Variants in P4HA1 observed in about 807,000 individuals in gnomAD.
P4HA1 encodes the protein prolyl 4-hydroxylase subunit alpha 1.
P4HA1 carries 24 observed loss-of-function variants against 72.8 expected under a neutral mutation model. The ratio of observed to expected loss-of-function variants is 0.33; its 90% confidence interval spans 0.24 to 0.46. The LOEUF is 0.46. P4HA1 is among the 20% of genes least tolerant of loss of function. P4HA1 has a pLI of 1.00. For missense variants in P4HA1, 446 were observed against 640.6 expected, an observed-to-expected ratio of 0.70 and a Z score of 3.28; for synonymous variants, 201 against 218.8, an observed-to-expected ratio of 0.92 and a Z score of 0.72.
chr10:73,074,701 C>A, intron 2 of P4HA1, 107 bp downstream of exon 2: 2 of 670,412 alleles, frequency 3.0e-6, no homozygotes, highest in South Asian at 1.7e-5. Context: ...GGGAATAAAC[C>A]TATACTCTAG....
At position 73,007,454 on chromosome 10, in the gene P4HA1, A is replaced by C. The variant is rs1839817552; in HGVS notation, c.*768T>G. On this transcript the variant is annotated 3_prime_UTR_variant, in exon 15 of 15. Coordinates refer to ENST00000394890, the MANE Select transcript of P4HA1 (RefSeq NM_001017962.3). ...CAGGAATAAGAGGCAAGGTATTAGCACTAAGAAAAACAGCAAAATTCCTGA... is the reference window on the plus strand; with the variant it reads ...CAGGAATAAGAGGCAAGGTATTAGCCCTAAGAAAAACAGCAAAATTCCTGA... 1 of 152,570 alleles carries C rather than the reference A, an allele frequency of 6.6e-6. No homozygotes were observed. The highest frequency in any genetic ancestry group is 1.5e-5 in the Non-Finnish European group (1 of 68,020). 9.5% of individuals were successfully genotyped at this position (152,570 alleles called of 1,614,324 possible).
intron 11 of P4HA1, among the ~76,000 whole-genome samples, chr10:73,016,024 G>A (rs1410330993): frequency 6.6e-6 from 1 of 151,868 alleles, no homozygotes; most frequent in Non-Finnish European, 1.5e-5. Flanking sequence ...AACTACTCAG[G>A]CTCCTCTGAA....
intron 12 of P4HA1, among the ~76,000 whole-genome samples, chr10:73,012,858 C>T (rs934291315): frequency 6.6e-6 from 1 of 152,120 alleles, no homozygotes; most frequent in East Asian, 1.9e-4. Context: ...TGCAGTGGCG[C>T]GATCTCGGCT....
Position 73,053,567 on chromosome 10 carries a change from T to C in P4HA1, c.487A>G (p.Thr163Ala), listed in dbSNP as rs748037693. 1.2e-6 allele frequency: 2 copies of C among 1,613,730 alleles called. No individual in the cohort carries two copies. Among genetic ancestry groups the C allele is most frequent in the Admixed American group, 3.3e-5 (2 of 59,970 alleles). ...CCCAACTCAAAGCAGTCCTCAGCCGTTAGAAAAGATTTGTGTTTCACTCCT... is the reference window on the plus strand; with the variant it reads ...CCCAACTCAAAGCAGTCCTCAGCCGCTAGAAAAGATTTGTGTTTCACTCCT... ...LPGVKHKSFL[T>A]AEDCFELGKV... Residue 163 changes from threonine to alanine, a missense_variant, in exon 6 of 15, where the codon ACG becomes GCG. Physicochemically the swap from Thr to Ala is moderately conservative, Grantham distance 58 (BLOSUM62 0). Transcript: ENST00000394890.
intron 1 of P4HA1, among the ~76,000 whole-genome samples, chr10:73,088,872 CCA>C (rs1841972524): frequency 6.6e-6 from 1 of 152,186 alleles, no homozygotes; most frequent in Admixed American, 6.5e-5. Context: ...TTCTCCAATA[CCA>C]CAGTCTTGGT....
intron 1 of P4HA1, among the ~76,000 whole-genome samples, chr10:73,093,680 A>G (rs2133174681): frequency 6.6e-6 from 1 of 150,440 alleles, no homozygotes; most frequent in South Asian, 2.1e-4. Context: ...CGTCTCTACT[A>G]AAAATACAAA....
intron 9 of P4HA1, among the ~76,000 whole-genome samples, 193 bp from the exon 10 acceptor site, chr10:73,030,563 G>C: frequency 6.6e-6 from 1 of 151,898 alleles, no homozygotes; most frequent in Non-Finnish European, 1.5e-5. Flanking sequence ...ACATTCTACT[G>C]TTAGAGGTTG....
intron 9 of P4HA1, 108 bp downstream of exon 9, chr10:73,044,873 A>AATTTT: frequency 1.3e-6 from 1 of 790,528 alleles, no homozygotes; most frequent in Non-Finnish European, 2.1e-6. Flanking sequence ...CAGGGTGGTG[A>AATTTT]CTTGAGCTGG....
chr10:73,077,902 T>C (rs1331413276), intron 1 of P4HA1, among the ~76,000 whole-genome samples: 1 of 149,800 alleles, frequency 6.7e-6, no homozygotes, highest in Non-Finnish European at 1.5e-5. Flanking sequence ...CGTAGGAGGA[T>C]CACTTGAGAC....
At position 73,051,135 on chromosome 10, in the gene P4HA1, G is replaced by T. The variant is rs562929059; in HGVS notation, c.818C>A (p.Pro273Gln). The T allele has an allele frequency of 6.2e-7, 1 of 1,613,528 alleles. No homozygotes were observed. Among genetic ancestry groups the T allele is most frequent in the South Asian group, 1.1e-5 (1 of 91,058 alleles). ...ATCCACAGCAACCCCTTTTTTCTTT[G>T]GTGTAGTTTTCTGATCAGATTGGTC... ...SDDQSDQKTT[P>Q]KKKGVAVDYL... Residue 273 changes from proline (P) to glutamine (Q), a missense_variant, in exon 7 of 15, where the codon CCA (proline) becomes CAA (glutamine). Transcript: ENST00000394890.
At chr10:73,065,142 G>T (rs536382713) in intron 5 of P4HA1, 74 of 152,152 alleles carry the variant, frequency 4.9e-4, no homozygotes, top group African/African-American at 1.8e-3. Context: ...GTGACCAGAA[G>T]GGTGAACATT....
At chr10:73,010,899 C>T (rs1839898108) in intron 13 of P4HA1, 70 bp downstream of exon 13, 1 of 1,042,040 alleles carries the variant, frequency 9.6e-7, no homozygotes, top group Non-Finnish European at 1.5e-6. Context: ...ATTAATTAGA[C>T]CATGAATACA....
intron 11 of P4HA1, among the ~76,000 whole-genome samples, chr10:73,014,672 G>A (rs1839977155): frequency 6.6e-6 from 1 of 152,028 alleles, no homozygotes; most frequent in Admixed American, 6.6e-5. Context: ...TTATCTGCAA[G>A]CTACATATTA....
chr10:73,047,250 T>G, intron 7 of P4HA1, 149 bp from the exon 8 acceptor site: 1 of 640,688 alleles, frequency 1.6e-6, no homozygotes, highest in Non-Finnish European at 2.6e-6. Flanking sequence ...CTGCAAATAT[T>G]TTGCCTCAAA....
At position 73,007,235 on chromosome 10, in the gene P4HA1, A is replaced by AT. The variant is rs1310276545; in HGVS notation, c.*986_*987insA. 3 of 152,594 alleles carry AT rather than the reference A, an allele frequency of 2.0e-5. No homozygotes were observed. Among genetic ancestry groups the AT allele is most frequent in the Admixed American group, 2.0e-4 (3 of 15,282 alleles). 9.5% of individuals were successfully genotyped at this position (152,594 alleles called of 1,614,324 possible). A position where few individuals can be genotyped will look rare whatever the true frequency, so the allele number is the denominator to read the frequency against. On this transcript the variant is annotated 3_prime_UTR_variant, in exon 15 of 15. Coordinates refer to ENST00000394890, the MANE Select transcript of P4HA1 (RefSeq NM_001017962.3). ...ACAAACATTTTTTTAAAAAAGATTT[A>AT]AGATCATAAATAGGTCATTGTTGTC...
At chr10:73,044,093 C>A in intron 9 of P4HA1, 2 of 505,574 alleles carry the variant, frequency 4.0e-6, no homozygotes, top group Admixed American at 3.2e-5. Context: ...GGTCTCGAAT[C>A]CACAAAAACA....
At chr10:73,068,671 G>GT (rs1164841298) in intron 5 of P4HA1, among the ~76,000 whole-genome samples, 175 bp downstream of exon 5, 1 of 152,080 alleles carries the variant, frequency 6.6e-6, no homozygotes, top group Non-Finnish European at 1.5e-5. Flanking sequence ...AAGCATACCC[G>GT]TAACTATTAA....
At chr10:73,015,927 G>A (rs933206840) in intron 11 of P4HA1, among the ~76,000 whole-genome samples, 1 of 151,596 alleles carries the variant, frequency 6.6e-6, no homozygotes, top group Non-Finnish European at 1.5e-5. Context: ...CTGCCACACC[G>A]TATTTCCATA....
At chr10:73,077,061 T>C (rs992235381) in intron 1 of P4HA1, among the ~76,000 whole-genome samples, 1 of 152,256 alleles carries the variant, frequency 6.6e-6, no homozygotes, top group Non-Finnish European at 1.5e-5. Context: ...CACTGCTCTT[T>C]TGGCTACCTT....
Sources: allele counts gnomAD v4.1 joint callset (sites outside exome capture counted in the v4.1 genomes callset), GRCh38; gene constraint gnomAD v4.1.1; transcripts MANE v1.5; gene names NCBI Gene and HGNC (gene_info 2026-07-23, HGNC 2026-07-21).